Variants in PHETA2 observed in about 807,000 individuals in gnomAD.
PHETA2 encodes the protein sesquipedalian-2.
For missense variants in PHETA2, 321 were observed against 341.3 expected (o/e 0.94, Z 0.47); for synonymous variants, 133 against 142.9 (o/e 0.93, Z 0.50).
chr22:42,077,799 TG>T lies in PHETA2; in HGVS notation c.508del (p.Glu170ArgfsTer41), dbSNP rs1927363847. The T allele has an allele frequency of 6.2e-7, 1 of 1,612,614 alleles. No individual in the cohort carries two copies. Among genetic ancestry groups the T allele is most frequent in the East Asian group, 2.2e-5 (1 of 44,872 alleles). On this transcript the variant is annotated frameshift_variant, in exon 3 of 3. Coordinates refer to ENST00000321753, the MANE Select transcript of PHETA2 (RefSeq NM_001002034.3). LOFTEE classifies it low-confidence loss of function (END_TRUNC). ...GCTCCTAACCACCGAGCTGCGGGCC[TG>T]GAGAATGGCCACTGCCTCTCCAAGG... ...PQAPNHRAAG[L>X]ENGHCLSKDS...
chr22:42,076,418 T>G (rs956102943), intron 2 of PHETA2, among the ~76,000 whole-genome samples: 2 of 152,058 alleles, frequency 1.3e-5, no homozygotes, highest in African/African-American at 4.8e-5. Context: ...TGCCTCAGCC[T>G]CCCGAGTAGC....
rs1927469532 is a variant in PHETA2 at position 42,078,758 on chromosome 22, G to C, written c.*685G>C. ...CTGGACCTTGCCCCGGAAGGGGCTTGTAGCTTTTTTACGTCAACGAAATGC... is the reference window on the plus strand; with the variant it reads ...CTGGACCTTGCCCCGGAAGGGGCTTCTAGCTTTTTTACGTCAACGAAATGC... On this transcript the variant is annotated 3_prime_UTR_variant, in exon 3 of 3. Transcript: ENST00000321753. 1 of 167,336 alleles carries C rather than the reference G, an allele frequency of 6.0e-6. No homozygotes were observed. The highest frequency in any genetic ancestry group is 2.1e-4 in the South Asian group (1 of 4,848). 10.4% of individuals were successfully genotyped at this position (167,336 alleles called of 1,614,324 possible). A position where few individuals can be genotyped will look rare whatever the true frequency, so the allele number is the denominator to read the frequency against.
rs2146855827 is a variant in PHETA2 at position 42,078,128 on chromosome 22, G to A, written c.*55G>A. On this transcript the variant is annotated 3_prime_UTR_variant, in exon 3 of 3. Coordinates refer to ENST00000321753, the MANE Select transcript of PHETA2 (RefSeq NM_001002034.3). ...GCCAGTTCTTTTTCAGGAGTTAAAT[G>A]TTTACCCATTTCCAAGGTTGCGTTT... The A allele has an allele frequency of 3.4e-6, 5 of 1,462,394 alleles. No individual in the cohort carries two copies. The South Asian group carries it at 7.2e-5, about 21-fold the overall frequency. The allele number at this position is 1,462,394 out of a possible 1,614,324, so 90.6% of individuals were successfully genotyped here.
In PHETA2 at chr22:42,079,114, A is replaced by T. The variant is rs1363569249; in HGVS notation, c.*1041A>T. On this transcript the variant is annotated 3_prime_UTR_variant, in exon 3 of 3. Coordinates refer to ENST00000321753, the MANE Select transcript of PHETA2 (RefSeq NM_001002034.3). ...GGGTCACCAGAGCCTGACCATACTG[A>T]CGCTCCAGGGGGAAGACGCAGAGGC... The T allele has an allele frequency of 2.4e-5, 4 of 167,128 alleles. No individual in the cohort carries two copies. Among genetic ancestry groups the T allele is most frequent in the Non-Finnish European group, 5.9e-5 (4 of 68,162 alleles). 10.4% of individuals were successfully genotyped at this position (167,128 alleles called of 1,614,324 possible).
chr22:42,076,551 C>T (rs898701352), intron 2 of PHETA2, among the ~76,000 whole-genome samples: 1 of 152,092 alleles, frequency 6.6e-6, no homozygotes, highest in African/African-American at 2.4e-5. Flanking sequence ...CTCGGCCTCC[C>T]AAAGTGCTGG....
At position 42,077,346 on chromosome 22, in the gene PHETA2, C is replaced by T. The variant is rs754766889; in HGVS notation, c.53C>T (p.Ala18Val). 24 of 1,570,624 alleles carry T rather than the reference C, an allele frequency of 1.5e-5. No individual in the cohort carries two copies. The highest frequency in any genetic ancestry group is 8.4e-5 in the South Asian group (7 of 83,358). ...CACTATGCACTCAGCGACTCCCCAGCGGACCACATGGGCTTCCTGCGCACC... is the reference window on the plus strand; with the variant it reads ...CACTATGCACTCAGCGACTCCCCAGTGGACCACATGGGCTTCCTGCGCACC... ...VAHYALSDSP[A>V]DHMGFLRTWG... is the part of the protein sequence containing the mutation. Residue 18 changes from alanine (A) to valine (V), a missense_variant, in exon 3 of 3, where the codon GCG (alanine) becomes GTG (valine). Physicochemically the swap from Ala to Val is moderately conservative, Grantham distance 64. Coordinates refer to ENST00000321753, the MANE Select transcript of PHETA2 (RefSeq NM_001002034.3).
At position 42,077,324 on chromosome 22, in the gene PHETA2, T is replaced by C. The variant is rs867099633; in HGVS notation, c.31T>C (p.Tyr11His). 13 of 1,551,862 alleles carry C rather than the reference T, an allele frequency of 8.4e-6. No individual in the cohort carries two copies. Among genetic ancestry groups the C allele is most frequent in the Middle Eastern group, 3.5e-4 (2 of 5,718 alleles). MKLNERSVAH[Y>H]ALSDSPADHM... Reference sequence around the variant, plus strand: ...GCTGAACGAGAGGAGTGTAGCCCACTATGCACTCAGCGACTCCCCAGCGGA... The same window carrying C: ...GCTGAACGAGAGGAGTGTAGCCCACCATGCACTCAGCGACTCCCCAGCGGA... Residue 11 changes from tyrosine (Y) to histidine (H), a missense_variant, in exon 3 of 3, where the codon TAT (tyrosine) becomes CAT (histidine). Coordinates refer to ENST00000321753, the MANE Select transcript of PHETA2 (RefSeq NM_001002034.3).
chr22:42,076,778 C>T (rs1334140130), intron 2 of PHETA2, among the ~76,000 whole-genome samples: 1 of 152,100 alleles, frequency 6.6e-6, no homozygotes, highest in Non-Finnish European at 1.5e-5. Context: ...ATATTTGTGC[C>T]TCAGCTTCTG....
Position 42,077,761 on chromosome 22 carries a change from C to T in PHETA2, c.468C>T (p.Arg156=). The T allele has an allele frequency of 1.2e-6, 2 of 1,613,270 alleles. No homozygotes were observed. Among genetic ancestry groups the T allele is most frequent in the East Asian group, 2.2e-5 (1 of 44,888 alleles). ...RRSSWKSVAS[R]CKPQAPNHRA... ...CATCCTGGAAGTCTGTTGCCAGCCGCTGTAAGCCCCAGGCTCCTAACCACC... is the reference window on the plus strand; with the variant it reads ...CATCCTGGAAGTCTGTTGCCAGCCGTTGTAAGCCCCAGGCTCCTAACCACC... Residue 156 remains arginine (R), a synonymous_variant, in exon 3 of 3, where the codon CGC becomes CGT. Coordinates refer to ENST00000321753, the MANE Select transcript of PHETA2 (RefSeq NM_001002034.3).
chr22:42,076,889 T>C (rs543723444), intron 2 of PHETA2, among the ~76,000 whole-genome samples: 1 of 151,878 alleles, frequency 6.6e-6, no homozygotes, highest in African/African-American at 2.4e-5. Flanking sequence ...AGAGTTGGAG[T>C]TGAGAGGACC....
chr22:42,077,725 G>T lies in PHETA2; in HGVS notation c.432G>T (p.Leu144Phe), dbSNP rs1469374881. 1.9e-6 allele frequency: 3 copies of T among 1,613,966 alleles called. No homozygotes were observed. The highest frequency in any genetic ancestry group is 1.7e-6 in the Non-Finnish European group (2 of 1,180,038). Residue 144 changes from leucine (L) to phenylalanine (F), a missense_variant, in exon 3 of 3, where the codon TTG becomes TTT. Coordinates refer to ENST00000321753, the MANE Select transcript of PHETA2 (RefSeq NM_001002034.3). ...QLQDARQSLA[L>F]QRRSSWKSVA... The stretch of plus-strand genomic sequence containing the variant: ...AGGACGCACGCCAGAGCCTGGCTTT[G>T]CAACGCCGCTCATCCTGGAAGTCTG...
In PHETA2 at chr22:42,077,992, G is replaced by A. The variant is rs1431076434; in HGVS notation, c.699G>A (p.Gln233=). The A allele has an allele frequency of 6.2e-7, 1 of 1,611,784 alleles. No individual in the cohort carries two copies. Among genetic ancestry groups the A allele is most frequent in the Non-Finnish European group, 8.5e-7 (1 of 1,179,184 alleles). The part of the protein sequence containing the change: ...CFSTLHDWYG[Q]EIVELRQCWQ... Reference sequence around the variant, plus strand: ...CTACCCTGCATGACTGGTATGGCCAGGAGATCGTGGAGCTGCGGCAGTGTT... The same window carrying A: ...CTACCCTGCATGACTGGTATGGCCAAGAGATCGTGGAGCTGCGGCAGTGTT... The change falls in exon 3 of 3, where the codon CAG becomes CAA. Residue 233 remains glutamine, a synonymous_variant. Coordinates refer to ENST00000321753, the MANE Select transcript of PHETA2 (RefSeq NM_001002034.3).
In PHETA2 at chr22:42,077,462, A is replaced by C; in HGVS notation, c.169A>C (p.Ser57Arg). The change falls in exon 3 of 3, where the codon AGT (serine) becomes CGT (arginine). Residue 57 changes from serine (S) to arginine (R), a missense_variant. By Grantham distance (110) the Ser-to-Arg change is moderately radical. Coordinates refer to ENST00000321753, the MANE Select transcript of PHETA2 (RefSeq NM_001002034.3). Reference protein sequence around the residue: ...LKGNLLFSFESREGRAPLSLV... With the variant: ...LKGNLLFSFERREGRAPLSLV... ...GGGCAACCTGCTATTCTCCTTTGAG[A>C]GTCGCGAGGGCCGGGCCCCACTGAG... 2 of 1,613,978 alleles carry C rather than the reference A, an allele frequency of 1.2e-6. No individual in the cohort carries two copies. The highest frequency in any genetic ancestry group is 1.7e-6 in the Non-Finnish European group (2 of 1,179,992).
chr22:42,079,277 G>C lies in PHETA2; in HGVS notation c.*1204G>C, dbSNP rs562469112. 2.2e-4 allele frequency: 37 copies of C among 169,158 alleles called. No homozygotes were observed. Among genetic ancestry groups the C allele is most frequent in the Non-Finnish European group, 3.9e-4 (27 of 69,162 alleles). 10.5% of individuals were successfully genotyped at this position (169,158 alleles called of 1,614,324 possible). A position where few individuals can be genotyped will look rare whatever the true frequency, so the allele number is the denominator to read the frequency against. ...GGCTCTGAGCCTCTTACCCCTAAGAGGCGGAGATGCGCCCAAGGCGGGCGC... is the reference window on the plus strand; with the variant it reads ...GGCTCTGAGCCTCTTACCCCTAAGACGCGGAGATGCGCCCAAGGCGGGCGC... On this transcript the variant is annotated 3_prime_UTR_variant, in exon 3 of 3. Transcript: ENST00000321753.
At chr22:42,076,132 AATC>A (rs1166417284) in intron 2 of PHETA2, 2 of 221,320 alleles carry the variant, frequency 9.0e-6, no homozygotes, top group African/African-American at 4.6e-5. Context: ...GTGAACACCC[AATC>A]ATCACGCTCA....
Position 42,077,669 on chromosome 22 carries a change from C to T in PHETA2, c.376C>T (p.Leu126=), listed in dbSNP as rs763950306. The T allele has an allele frequency of 2.5e-6, 4 of 1,614,192 alleles. No homozygotes were observed. Among genetic ancestry groups the T allele is most frequent in the Non-Finnish European group, 3.4e-6 (4 of 1,180,036 alleles). Residue 126 remains leucine, a synonymous_variant, in exon 3 of 3, where the codon CTG becomes TTG. Coordinates refer to ENST00000321753, the MANE Select transcript of PHETA2 (RefSeq NM_001002034.3). Reference sequence around the variant, plus strand: ...CCGGGCAAGCTTTGGCTACATGCGCCTGGTGGTACGCGAGTTGGAGAGCCA... The same window carrying T: ...CCGGGCAAGCTTTGGCTACATGCGCTTGGTGGTACGCGAGTTGGAGAGCCA... ...LSRASFGYMR[L]VVRELESQLQ... is the part of the protein sequence containing the mutation.
chr22:42,074,847 A>C (rs558100687), intron 1 of PHETA2, among the ~76,000 whole-genome samples: 1 of 152,192 alleles, frequency 6.6e-6, no homozygotes, highest in Non-Finnish European at 1.5e-5. Flanking sequence ...GTTTTTCTCC[A>C]TAACCCTTAG....
In PHETA2 at chr22:42,077,420, T is replaced by A. The variant is rs1927328195; in HGVS notation, c.127T>A (p.Cys43Ser). Residue 43 changes from cysteine (C) to serine (S), a missense_variant, in exon 3 of 3, where the codon TGC (cysteine) becomes AGC (serine). Transcript: ENST00000321753. ...GACCCCCAGTGGCACTGGCCGAAGA[T>A]GCTGGTTTGTCCTCAAGGGCAACCT... The part of the protein sequence containing the change: ...PPTPSGTGRR[C>S]WFVLKGNLLF... 3 of 1,613,016 alleles carry A rather than the reference T, an allele frequency of 1.9e-6. No individual in the cohort carries two copies. The African/African-American group carries it at 4.0e-5, about 22-fold the overall frequency.
chr22:42,075,422 G>C lies in PHETA2; in HGVS notation c.-96-149G>C, dbSNP rs1927245546. ...GGACCCATCCCCTTAAGCTGCTCAGGGGTTCCTGGCTGGGTGGATGGGTGG... is the reference window on the plus strand; with the variant it reads ...GGACCCATCCCCTTAAGCTGCTCAGCGGTTCCTGGCTGGGTGGATGGGTGG... On this transcript the variant is annotated intron_variant, in intron 1 of 2. Transcript: ENST00000321753. The surrounding 1 kb of genome is among the most constrained non-coding windows in gnomAD (Gnocchi z 4.8). 6.6e-6 allele frequency: 1 copy of C among 152,420 alleles called. No homozygotes were observed. The highest frequency in any genetic ancestry group is 2.4e-5 in the African/African-American group (1 of 41,440). The allele number at this position is 152,420 out of a possible 1,614,324, so 9.4% of individuals were successfully genotyped here. A position where few individuals can be genotyped will look rare whatever the true frequency, so the allele number is the denominator to read the frequency against.
Sources: gnomAD v4.1 joint callset for allele counts (sites outside exome capture counted in the v4.1 genomes callset) on GRCh38, gnomAD v4.1.1 for gene constraint, Gnocchi (gnomAD v3.1) non-coding constraint, MANE v1.5 for transcripts, NCBI Gene and HGNC (gene_info 2026-07-23, HGNC 2026-07-21) for gene names.